PALLD: variants seen among roughly 807,000 people sequenced by gnomAD.
PALLD encodes the protein palladin.
Under a neutral mutation model 123.5 loss-of-function variants are expected in PALLD, and 61 were observed. That is an observed-to-expected ratio of 0.49 (90% confidence interval 0.40 to 0.61). The LOEUF is 0.61. PALLD is among the 20% of genes least tolerant of loss of function. PALLD has a pLI of 0.00. For missense variants in PALLD, 1,273 were observed against 1,377.0 expected, an observed-to-expected ratio of 0.92 and a Z score of 1.20; for synonymous variants, 465 against 496.4, an observed-to-expected ratio of 0.94 and a Z score of 0.84.
chr4:168,837,309 T>C lies in PALLD; in HGVS notation c.1965-53613T>C, dbSNP rs1181879039. 2.0e-5 allele frequency among the ~76,000 whole-genome samples: 3 copies of C among 152,236 alleles called. No individual in the cohort carries two copies. In the East Asian group the frequency reaches 5.8e-4, roughly 29 times the overall value. ...ATCGTTTCCTTACTAAACATCATTT[T>C]TACTGAGAACTTAGTAACCTAGACC... On this transcript the variant is annotated intron_variant, in intron 10 of 21. Transcript: ENST00000505667.
intron 10 of PALLD, among the ~76,000 whole-genome samples, chr4:168,717,577 C>T (rs950893366): frequency 1.6e-4 from 25 of 152,172 alleles, no homozygotes; most frequent in African/African-American, 6.0e-4. Context: ...TCTCGAACTC[C>T]TGACCTCAGG....
At chr4:168,810,834 A>AAAAAG (rs1561549714) in intron 10 of PALLD, among the ~76,000 whole-genome samples, 7 of 145,678 alleles carry the variant, frequency 4.8e-5, no homozygotes, top group Admixed American at 1.4e-4. Flanking sequence ...AAAGAAAAAA[A>AAAAAG]AAGAAGAAGA....
intron 10 of PALLD, among the ~76,000 whole-genome samples, chr4:168,746,623 A>G (rs1048263668): frequency 1.3e-5 from 2 of 152,104 alleles, no homozygotes; most frequent in African/African-American, 2.4e-5. Flanking sequence ...TACTGTACCA[A>G]TTTTCTTCCC....
At chr4:168,522,058 A>G (rs976004139) in intron 2 of PALLD, among the ~76,000 whole-genome samples, 1 of 152,252 alleles carries the variant, frequency 6.6e-6, no homozygotes, top group Non-Finnish European at 1.5e-5. Flanking sequence ...GATTACTGTC[A>G]ATTTAGAACA....
At chr4:168,821,406 AT>A (rs201299261) in intron 10 of PALLD, among the ~76,000 whole-genome samples, 54 of 150,166 alleles carry the variant, frequency 3.6e-4, no homozygotes, top group African/African-American at 6.4e-4. Context: ...ATACTAAGGT[AT>A]TTTTTTTTTC....
intron 2 of PALLD, among the ~76,000 whole-genome samples, chr4:168,646,874 A>G (rs984817232): frequency 1.3e-5 from 2 of 152,228 alleles, no homozygotes; most frequent in Non-Finnish European, 2.9e-5. Flanking sequence ...TCTGGTAACA[A>G]TATAGTTTTA....
At chr4:168,902,289 AG>A (rs1187179164) in intron 14 of PALLD, among the ~76,000 whole-genome samples, 1 of 150,970 alleles carries the variant, frequency 6.6e-6, no homozygotes, top group Non-Finnish European at 1.5e-5. Context: ...TTTGGCTGCA[AG>A]GAACAAAAAA....
intron 18 of PALLD, among the ~76,000 whole-genome samples, chr4:168,922,678 A>G (rs1761813373): frequency 6.6e-6 from 1 of 152,256 alleles, no homozygotes. Flanking sequence ...TGTGGTAAAT[A>G]TGTGGACTGT....
intron 2 of PALLD, among the ~76,000 whole-genome samples, chr4:168,595,409 G>A (rs1348938626): frequency 6.6e-6 from 1 of 152,038 alleles, no homozygotes; most frequent in African/African-American, 2.4e-5. Flanking sequence ...GGTATGGTGG[G>A]GCCCAGGGGT....
intron 2 of PALLD, among the ~76,000 whole-genome samples, chr4:168,599,558 T>C (rs1772334739): frequency 1.3e-5 from 2 of 152,158 alleles, no homozygotes; most frequent in South Asian, 4.1e-4. Flanking sequence ...GGGAGAATAG[T>C]GCAAGTAATA....
intron 10 of PALLD, among the ~76,000 whole-genome samples, chr4:168,717,429 C>T (rs948437654): frequency 4.6e-5 from 7 of 152,098 alleles, no homozygotes; most frequent in Admixed American, 2.6e-4. Flanking sequence ...TGGCTCACTG[C>T]AACCTCCACA....
At chr4:168,599,761 C>A (rs1180694187) in intron 2 of PALLD, among the ~76,000 whole-genome samples, 2 of 151,790 alleles carry the variant, frequency 1.3e-5, no homozygotes, top group Non-Finnish European at 2.9e-5. Flanking sequence ...GGCAACATAG[C>A]CAGAACCTGT....
Position 168,511,538 on chromosome 4 carries a change from G to T in PALLD, c.34G>T (p.Asp12Tyr). Residue 12 changes from aspartate (D) to tyrosine (Y), a missense_variant, in exon 2 of 22, where the codon GAC becomes TAC. Asp to Tyr is a radical substitution (Grantham distance 160, BLOSUM62 -3). Coordinates refer to ENST00000505667, the MANE Select transcript of PALLD (RefSeq NM_001166108.2). ...SGTSSHESFYDSLSDMQEESK... is the reference protein window; with the variant it reads ...SGTSSHESFYYSLSDMQEESK... Reference sequence around the variant, plus strand: ...GACCTCCTCCCATGAGTCCTTCTATGACTCCCTCTCAGACATGCAGGAAGA... The same window carrying T: ...GACCTCCTCCCATGAGTCCTTCTATTACTCCCTCTCAGACATGCAGGAAGA... The T allele has an allele frequency of 6.2e-7, 1 of 1,614,008 alleles. No homozygotes were observed. Among genetic ancestry groups the T allele is most frequent in the South Asian group, 1.1e-5 (1 of 91,062 alleles).
intron 2 of PALLD, among the ~76,000 whole-genome samples, chr4:168,652,692 T>A (rs1033077015): frequency 6.6e-6 from 1 of 152,230 alleles, no homozygotes. Flanking sequence ...GAGATGTTGA[T>A]TCAGGTTTTC....
In PALLD at chr4:168,570,294, A is replaced by G. The variant is rs112295007; in HGVS notation, c.908+57882A>G. ...GCTGAAATGTTTGGTTTTTGTTTTT[A>G]GCCCAGAAGAAAATTCCCATAAATA... On this transcript the variant is annotated intron_variant, in intron 2 of 21. Coordinates refer to ENST00000505667, the MANE Select transcript of PALLD (RefSeq NM_001166108.2). Among the ~76,000 whole-genome samples the G allele has an allele frequency of 1.1e-4, 17 of 152,272 alleles. 1 individual carries two copies. The highest frequency in any genetic ancestry group is 4.1e-4 in the African/African-American group (17 of 41,580).
intron 17 of PALLD, among the ~76,000 whole-genome samples, chr4:168,916,459 G>A (rs906161908): frequency 8.4e-5 from 12 of 143,608 alleles, no homozygotes; most frequent in Non-Finnish European, 1.2e-4. Context: ...GAAATACGTC[G>A]GATATTTATA....
At position 168,662,225 on chromosome 4, in the gene PALLD, G is replaced by A. The variant is rs560671986; in HGVS notation, c.909-5965G>A. Among the ~76,000 whole-genome samples the A allele has an allele frequency of 4.6e-5, 7 of 152,134 alleles. No individual in the cohort carries two copies. In the East Asian group the frequency reaches 9.6e-4, roughly 21 times the overall value. On this transcript the variant is annotated intron_variant, in intron 2 of 21. Coordinates refer to ENST00000505667, the MANE Select transcript of PALLD (RefSeq NM_001166108.2). ...TTCAAAATGGAATGAATAAATGTCC[G>A]AGGGGGTTCTCAAGTCAAATTTTAC...
At chr4:168,771,357 T>G (rs1734412325) in intron 10 of PALLD, among the ~76,000 whole-genome samples, 1 of 152,188 alleles carries the variant, frequency 6.6e-6, no homozygotes, top group Non-Finnish European at 1.5e-5. Flanking sequence ...CATGAACACA[T>G]GTATAATGTC....
intron 2 of PALLD, among the ~76,000 whole-genome samples, chr4:168,555,851 A>G (rs1229215564): frequency 2.6e-5 from 4 of 152,224 alleles, no homozygotes; most frequent in Admixed American, 6.5e-5. Context: ...TCTGGATAGC[A>G]TAGTTGTTAA....
Sources: gnomAD v4.1 joint callset for allele counts (sites outside exome capture counted in the v4.1 genomes callset) on GRCh38, gnomAD v4.1.1 for gene constraint, MANE v1.5 for transcripts, NCBI Gene and HGNC (gene_info 2026-07-23, HGNC 2026-07-21) for gene names.